The following STAU2 variants were observed in gnomAD, a reference collection of about 807,000 sequenced individuals.
STAU2 encodes staufen double-stranded RNA binding protein 2.
STAU2 carries 20 observed loss-of-function variants against 65.9 expected under a neutral mutation model. The observed-to-expected ratio is 0.30, with a 90% CI of 0.21 to 0.44. The LOEUF (loss-of-function observed/expected upper bound fraction) is 0.44. Among genes scored for constraint, STAU2 ranks in the 20% least tolerant of loss-of-function variants. STAU2 has a pLI of 1.00. For synonymous variants in STAU2, 232 were observed against 233.9 expected, an observed-to-expected ratio of 0.99 and a Z score of 0.07; for missense variants, 558 against 683.9, an observed-to-expected ratio of 0.82 and a Z score of 2.05.
intron 4 of STAU2, among the ~76,000 whole-genome samples, chr8:73,690,130 C>A (rs1354592261): frequency 6.6e-6 from 1 of 151,740 alleles, no homozygotes; most frequent in African/African-American, 2.4e-5. Flanking sequence ...AGATTGAGAC[C>A]ATCCTGGCTA....
chr8:73,552,781 T>C (rs1807431602), intron 12 of STAU2, among the ~76,000 whole-genome samples: 1 of 152,172 alleles, frequency 6.6e-6, no homozygotes, highest in South Asian at 2.1e-4. Flanking sequence ...AACGCATGTA[T>C]TCAACAGCCT....
chr8:73,728,968 G>A (rs1228393534), intron 3 of STAU2, among the ~76,000 whole-genome samples: 1 of 152,130 alleles, frequency 6.6e-6, no homozygotes, highest in Non-Finnish European at 1.5e-5. Context: ...TGAATAACTG[G>A]TGAGAATGGG....
chr8:73,721,701 C>G (rs1821699999), intron 3 of STAU2, among the ~76,000 whole-genome samples: 1 of 152,138 alleles, frequency 6.6e-6, no homozygotes, highest in Non-Finnish European at 1.5e-5. Flanking sequence ...CTCAAATATA[C>G]TTTAATATTA....
At chr8:73,475,974 T>C (rs1343483740) in intron 13 of STAU2, among the ~76,000 whole-genome samples, 1 of 152,240 alleles carries the variant, frequency 6.6e-6, no homozygotes, top group African/African-American at 2.4e-5. Context: ...GTGACAGTCA[T>C]ATTTTCTAAA....
intron 6 of STAU2, among the ~76,000 whole-genome samples, chr8:73,667,970 T>G (rs1211807321): frequency 1.3e-5 from 2 of 152,164 alleles, no homozygotes; most frequent in African/African-American, 4.8e-5. Context: ...CTCCATAAAA[T>G]AATTGTACCC....
chr8:73,654,711 G>C (rs1816205669), intron 6 of STAU2, among the ~76,000 whole-genome samples: 1 of 104,664 alleles, frequency 9.6e-6, no homozygotes, highest in African/African-American at 3.3e-5. Context: ...TTTTGAGACG[G>C]AGTTTCGCTC....
chr8:73,481,006 T>A (rs1373932618), intron 13 of STAU2, among the ~76,000 whole-genome samples: 1 of 152,112 alleles, frequency 6.6e-6, no homozygotes. Flanking sequence ...GTATAACACA[T>A]ATAAAAGAAT....
intron 3 of STAU2, among the ~76,000 whole-genome samples, chr8:73,736,857 AG>A (rs1313325553): frequency 6.6e-6 from 1 of 152,156 alleles, no homozygotes; most frequent in Admixed American, 6.5e-5. Flanking sequence ...GTCGGAAGGC[AG>A]GGGGTCAAGA....
intron 6 of STAU2, among the ~76,000 whole-genome samples, chr8:73,625,348 C>T (rs1047623691): frequency 1.3e-5 from 2 of 152,154 alleles, no homozygotes; most frequent in Admixed American, 6.5e-5. Flanking sequence ...TGTGGTATGT[C>T]CCCACAATGG....
chr8:73,633,486 G>T (rs532192984), intron 6 of STAU2, among the ~76,000 whole-genome samples: 1 of 152,194 alleles, frequency 6.6e-6, no homozygotes, highest in Non-Finnish European at 1.5e-5. Flanking sequence ...GTGAAAGGAT[G>T]CATGTGAGAT....
At chr8:73,696,047 A>C (rs1209268583) in intron 4 of STAU2, among the ~76,000 whole-genome samples, 2 of 152,220 alleles carry the variant, frequency 1.3e-5, no homozygotes, top group Non-Finnish European at 2.9e-5. Context: ...AGGTGCCTGC[A>C]TCACCACACC....
chr8:73,585,691 C>G (rs1176347632), intron 11 of STAU2, among the ~76,000 whole-genome samples: 1 of 152,188 alleles, frequency 6.6e-6, no homozygotes, highest in Non-Finnish European at 1.5e-5. Context: ...GTTCATCTCC[C>G]AATCCTTACT....
intron 13 of STAU2, among the ~76,000 whole-genome samples, chr8:73,465,521 G>C (rs1474112697): frequency 6.6e-6 from 1 of 152,122 alleles, no homozygotes; most frequent in East Asian, 1.9e-4. Context: ...AACTAGGCTT[G>C]GGTGGCTGCA....
At chr8:73,593,007 T>C (rs1810934792) in intron 11 of STAU2, among the ~76,000 whole-genome samples, 1 of 152,228 alleles carries the variant, frequency 6.6e-6, no homozygotes, top group South Asian at 2.1e-4. Context: ...TCATTCTCTA[T>C]TCCTTTTTGC....
At chr8:73,618,299 G>C (rs1812984821) in intron 6 of STAU2, among the ~76,000 whole-genome samples, 1 of 152,146 alleles carries the variant, frequency 6.6e-6, no homozygotes, top group Admixed American at 6.5e-5. Context: ...CAGGGAGGTA[G>C]GTTTTAGATA....
At chr8:73,722,453 A>G (rs527306721) in intron 3 of STAU2, among the ~76,000 whole-genome samples, 1 of 152,332 alleles carries the variant, frequency 6.6e-6, no homozygotes, top group East Asian at 1.9e-4. Context: ...AATGTTAGCA[A>G]TAAATTCTTT....
intron 3 of STAU2, chr8:73,728,112 A>G (rs1376577973): frequency 6.6e-6 from 1 of 152,004 alleles, no homozygotes; most frequent in Non-Finnish European, 1.5e-5. Flanking sequence ...TTATGAGTTA[A>G]TTTTTATACA....
At chr8:73,614,150 G>A (rs1029278905) in intron 8 of STAU2, among the ~76,000 whole-genome samples, 194 bp from the exon 9 acceptor site, 9 of 152,170 alleles carry the variant, frequency 5.9e-5, no homozygotes, top group Non-Finnish European at 1.3e-4. Flanking sequence ...TGAAACAAAA[G>A]AAATCTAAAT....
chr8:73,515,773 C>CTTTTTTTTTTTTTTT (rs75132374), intron 13 of STAU2, among the ~76,000 whole-genome samples: 1 of 90,936 alleles, frequency 1.1e-5, no homozygotes, highest in African/African-American at 4.4e-5. Flanking sequence ...AAAAATTTCT[C>CTTTTTTTTTTTTTTT]TTTTTTTTTT....
Sources: allele counts gnomAD v4.1 joint callset (sites outside exome capture counted in the v4.1 genomes callset), GRCh38; gene constraint gnomAD v4.1.1; transcripts MANE v1.5; gene names NCBI Gene and HGNC (gene_info 2026-07-23, HGNC 2026-07-21).